NIPBL: variants seen among roughly 807,000 people sequenced by gnomAD.
NIPBL encodes nipped-B-like protein.
In NIPBL, 19 loss-of-function variants were observed where a neutral mutation model predicts 321.8. The observed-to-expected ratio is 0.06, with a 90% CI of 0.04 to 0.09. The LOEUF (loss-of-function observed/expected upper bound fraction) is 0.09. Ranked by LOEUF, NIPBL falls within the 10% of genes least tolerant of loss-of-function variation. The probability of loss-of-function intolerance (pLI) is 1.00; values close to 1 mark genes in which losing one functional copy is unlikely to be tolerated. For missense variants in NIPBL, 2,210 were observed against 3,327.0 expected (o/e 0.66, Z 8.26); for synonymous variants, 1,106 against 1,114.1 (o/e 0.99, Z 0.14).
chr5:36,954,710 G>A (rs292182), intron 2 of NIPBL, among the ~76,000 whole-genome samples: 84,447 of 151,888 alleles, frequency 0.56, 25,266 homozygotes, highest in African/African-American at 0.79. Flanking sequence ...TTATTAATGA[G>A]AATCCTGTTG....
rs2149644266 is a variant in NIPBL, at chr5:36,985,208, T to C, written c.2028T>C (p.Asn676=). ...STIVEPKQNE[N]RLSDTKPNDN... ...TAGTTGAGCCTAAACAAAATGAAAATAGACTGTCTGACACAAAACCAAATG... is the reference window on the plus strand; with the variant it reads ...TAGTTGAGCCTAAACAAAATGAAAACAGACTGTCTGACACAAAACCAAATG... Residue 676 remains asparagine (N), a synonymous_variant, in exon 10 of 47, where the codon AAT becomes AAC. Coordinates refer to ENST00000282516, the MANE Select transcript of NIPBL (RefSeq NM_133433.4). 1 of 1,613,436 alleles carries C rather than the reference T, an allele frequency of 6.2e-7. No homozygotes were observed.
At chr5:36,977,873 C>A (rs1372391741) in intron 9 of NIPBL, among the ~76,000 whole-genome samples, 1 of 151,746 alleles carries the variant, frequency 6.6e-6, no homozygotes, top group African/African-American at 2.4e-5. Flanking sequence ...TTTTCTGTTT[C>A]TGCATTATTT....
chr5:37,037,440 CATAG>C (rs1338095501), intron 33 of NIPBL, among the ~76,000 whole-genome samples: 4 of 145,314 alleles, frequency 2.8e-5, no homozygotes, highest in Non-Finnish European at 4.5e-5. Flanking sequence ...TATATAGATA[CATAG>C]ATAGATATAG....
intron 21 of NIPBL, among the ~76,000 whole-genome samples, chr5:37,010,517 T>C (rs1747994603): frequency 6.6e-6 from 1 of 152,110 alleles, no homozygotes; most frequent in African/African-American, 2.4e-5. Flanking sequence ...GTTTTCGCCA[T>C]GTTGGTCAGG....
chr5:36,961,497 T>C lies in NIPBL; in HGVS notation c.372T>C (p.Ser124=). 6.2e-7 allele frequency: 1 copy of C among 1,605,458 alleles called. No individual in the cohort carries two copies. The highest frequency in any genetic ancestry group is 8.5e-7 in the Non-Finnish European group (1 of 1,172,248). Reference sequence around the variant, plus strand: ...TGTTTTGCATAGGAATGATGATGTCTCAGTATAAACTTTCTCAGAATTCCA... The same window carrying C: ...TGTTTTGCATAGGAATGATGATGTCCCAGTATAAACTTTCTCAGAATTCCA... The part of the protein sequence containing the change: ...NRYVQSGMMM[S]QYKLSQNSMH... The change falls in exon 5 of 47, where the codon TCT becomes TCC. Residue 124 remains serine, a synonymous_variant. Coordinates refer to ENST00000282516, the MANE Select transcript of NIPBL (RefSeq NM_133433.4).
intron 1 of NIPBL, among the ~76,000 whole-genome samples, chr5:36,951,256 C>G (rs1034705806): frequency 6.6e-6 from 1 of 152,178 alleles, no homozygotes; most frequent in Non-Finnish European, 1.5e-5. Flanking sequence ...AAATCCTAGC[C>G]TGGGGTTGGA....
In NIPBL at chr5:37,041,028, C is replaced by CT. The variant is rs538963240; in HGVS notation, c.6108+2300dup. On this transcript the variant is annotated intron_variant, in intron 34 of 46. Coordinates refer to ENST00000282516, the MANE Select transcript of NIPBL (RefSeq NM_133433.4). ...GTTCATTTTACCTTTGAATAATAGG[C>CT]TTTTTTTTTTAGGAGAGCTCTTTAT... 2.1e-3 allele frequency among the ~76,000 whole-genome samples: 303 copies of CT among 144,360 alleles called. 3 individuals carry two copies. Among genetic ancestry groups the CT allele is most frequent in the African/African-American group, 4.6e-3 (181 of 39,538 alleles). The allele number at this position is 144,360 out of a possible 152,430, so 94.7% of individuals were successfully genotyped here. A position where few individuals can be genotyped will look rare whatever the true frequency, so the allele number is the denominator to read the frequency against.
intron 1 of NIPBL, among the ~76,000 whole-genome samples, chr5:36,882,265 AT>A (rs369570415): frequency 3.3e-5 from 5 of 151,408 alleles, no homozygotes; most frequent in African/African-American, 7.3e-5. Flanking sequence ...TAGTTTAGGG[AT>A]TTTTTTTGTG....
At chr5:36,897,096 A>C (rs192008996) in intron 1 of NIPBL, among the ~76,000 whole-genome samples, 46 of 150,486 alleles carry the variant, frequency 3.1e-4, no homozygotes, top group African/African-American at 1.0e-3. Context: ...TCCACTTCCC[A>C]GGTTCAGGCG....
intron 9 of NIPBL, among the ~76,000 whole-genome samples, chr5:36,978,014 C>T (rs535801108): frequency 5.3e-5 from 8 of 152,076 alleles, no homozygotes; most frequent in South Asian, 4.1e-4. Context: ...TCCTGATGGA[C>T]GCTTAGGTTG....
In NIPBL at chr5:36,985,890, A is replaced by G. The variant is rs761756303; in HGVS notation, c.2710A>G (p.Arg904Gly). ...RVKQGDSNKS[R>G]SDKLGFKSPT... ...TAAACAAGGAGATTCTAATAAATCA[A>G]GATCTGATAAACTTGGTTTTAAATC... is the stretch of plus-strand genomic sequence containing the variant. Residue 904 changes from arginine (R) to glycine (G), a missense_variant, in exon 10 of 47, where the codon AGA becomes GGA. Arg to Gly is a moderately radical substitution (Grantham distance 125, BLOSUM62 -2). Coordinates refer to ENST00000282516, the MANE Select transcript of NIPBL (RefSeq NM_133433.4). 1 of 1,613,960 alleles carries G rather than the reference A, an allele frequency of 6.2e-7. No homozygotes were observed. The highest frequency in any genetic ancestry group is 8.5e-7 in the Non-Finnish European group (1 of 1,179,964).
chr5:37,012,527 C>T (rs62354965), intron 21 of NIPBL, among the ~76,000 whole-genome samples: 22 of 143,270 alleles, frequency 1.5e-4, no homozygotes, highest in African/African-American at 3.8e-4. Flanking sequence ...GGCAGGGTCA[C>T]AGGACAATAG....
intron 22 of NIPBL, among the ~76,000 whole-genome samples, chr5:37,015,133 T>C (rs1748786006): frequency 6.6e-6 from 1 of 152,128 alleles, no homozygotes; most frequent in Non-Finnish European, 1.5e-5. Context: ...TTTTTTTTTT[T>C]TTTTAATGAG....
At chr5:37,053,017 TATC>T (rs1193726715) in intron 42 of NIPBL, among the ~76,000 whole-genome samples, 2 of 152,294 alleles carry the variant, frequency 1.3e-5, no homozygotes, top group East Asian at 3.9e-4. Context: ...AGTCCTCCCT[TATC>T]ATTAAAGATA....
intron 1 of NIPBL, among the ~76,000 whole-genome samples, chr5:36,923,834 T>A (rs1263616473): frequency 6.6e-6 from 1 of 152,188 alleles, no homozygotes; most frequent in African/African-American, 2.4e-5. Context: ...ATATATAATA[T>A]GATATAAAAA....
intron 1 of NIPBL, among the ~76,000 whole-genome samples, chr5:36,950,934 T>C (rs1344643821): frequency 6.6e-6 from 1 of 152,178 alleles, no homozygotes; most frequent in Non-Finnish European, 1.5e-5. Context: ...GCTGTGACTT[T>C]AGCTAAAATT....
At chr5:37,012,492 GGGTGTTTCTC>G (rs1748269992) in intron 21 of NIPBL, among the ~76,000 whole-genome samples, 1 of 127,892 alleles carries the variant, frequency 7.8e-6, no homozygotes, top group Non-Finnish European at 1.6e-5. Flanking sequence ...ATTCATTCTT[GGGTGTTTCTC>G]GCAGAGGGGG....
Position 37,016,039 on chromosome 5 carries a change from TGTG to T in NIPBL, c.4648_4650del (p.Gly1550del). ...TTTTCATTATTTGCCTTTGAACAGATGTGGTAGTAAGCAAGGTGAAGAAGATTA... is the reference window on the plus strand; with the variant it reads ...TTTTCATTATTTGCCTTTGAACAGATGTAGTAAGCAAGGTGAAGAAGATTA... On this transcript the variant is annotated inframe_deletion and splice_region_variant, in exon 23 of 47. Coordinates refer to ENST00000282516, the MANE Select transcript of NIPBL (RefSeq NM_133433.4). 6.2e-7 allele frequency: 1 copy of T among 1,613,958 alleles called. No individual in the cohort carries two copies. The highest frequency in any genetic ancestry group is 8.5e-7 in the Non-Finnish European group (1 of 1,179,904).
intron 11 of NIPBL, 86 bp from the exon 12 acceptor site, chr5:37,000,287 T>C: frequency 1.5e-6 from 2 of 1,315,848 alleles, no homozygotes; most frequent in East Asian, 2.4e-5. Context: ...GAAGATTTTT[T>C]TCCCCATGTG....
Sources: allele counts gnomAD v4.1 joint callset (sites outside exome capture counted in the v4.1 genomes callset), GRCh38; gene constraint gnomAD v4.1.1; transcripts MANE v1.5; gene names NCBI Gene and HGNC (gene_info 2026-07-23, HGNC 2026-07-21).